Variants in ANKRD27 observed in about 807,000 individuals in gnomAD.
ANKRD27 encodes ankyrin repeat domain-containing protein 27.
Under a neutral mutation model 129.7 loss-of-function variants are expected in ANKRD27, and 112 were observed. That is an observed-to-expected ratio of 0.86 (90% confidence interval 0.74 to 1.01). The LOEUF (loss-of-function observed/expected upper bound fraction) is 1.01, where lower values mean the gene tolerates loss of function less well. Ranked by LOEUF, ANKRD27 falls within the 50% of genes least tolerant of loss-of-function variation. The pLI is 0.00. For synonymous variants in ANKRD27, 516 were observed against 511.2 expected (o/e 1.01, Z -0.13); for missense variants, 1,258 against 1,300.5 (o/e 0.97, Z 0.50).
intron 18 of ANKRD27, among the ~76,000 whole-genome samples, 155 bp downstream of exon 18, chr19:32,622,267 C>T (rs1972021761): frequency 1.3e-5 from 2 of 152,218 alleles, no homozygotes; most frequent in Admixed American, 6.5e-5. Context: ...CAGTAAAACC[C>T]ATTAATGATG....
chr19:32,627,977 A>G (rs778006256), intron 15 of ANKRD27, 106 bp downstream of exon 15: 41 of 1,036,330 alleles, frequency 4.0e-5, no homozygotes, highest in Non-Finnish European at 6.0e-5. Flanking sequence ...TGCAGCCCCA[A>G]CTGCCAACCC....
chr19:32,627,369 T>G, intron 15 of ANKRD27, among the ~76,000 whole-genome samples: 1 of 35,158 alleles, frequency 2.8e-5, no homozygotes, highest in Admixed American at 2.0e-4. Flanking sequence ...TTATTTTATT[T>G]ATTTATTTAT....
intron 1 of ANKRD27, chr19:32,673,530 C>A: frequency 1.2e-6 from 1 of 841,738 alleles, no homozygotes; most frequent in Non-Finnish European, 1.4e-6. Flanking sequence ...GGCCTCTGGC[C>A]ACCTTTGCAG....
chr19:32,655,488 C>T (rs936434733), intron 2 of ANKRD27, among the ~76,000 whole-genome samples: 4 of 152,186 alleles, frequency 2.6e-5, no homozygotes, highest in African/African-American at 7.2e-5. Context: ...CTCCATTCTC[C>T]GGTGTCCCTG....
chr19:32,600,505 C>T (rs945622857), intron 26 of ANKRD27, among the ~76,000 whole-genome samples: 1 of 152,174 alleles, frequency 6.6e-6, no homozygotes, highest in African/African-American at 2.4e-5. Flanking sequence ...TGCACCACCA[C>T]ACTCCAGCCT....
intron 18 of ANKRD27, 31 bp downstream of exon 18, chr19:32,622,391 C>T (rs756996777): frequency 9.9e-6 from 16 of 1,610,892 alleles, no homozygotes; most frequent in Non-Finnish European, 1.4e-5. Flanking sequence ...CTTTCGAAGT[C>T]ATCTTGCCCC....
chr19:32,673,479 C>A, intron 1 of ANKRD27: 1 of 984,690 alleles, frequency 1.0e-6, no homozygotes, highest in Non-Finnish European at 1.2e-6. Flanking sequence ...ACCAGGTGAG[C>A]CCTCAACTTC....
At chr19:32,640,455 TACC>T in intron 10 of ANKRD27, 70 bp from the exon 11 acceptor site, 2 of 1,302,106 alleles carry the variant, frequency 1.5e-6, no homozygotes, top group Non-Finnish European at 2.2e-6. Flanking sequence ...ATCAACTCCC[TACC>T]ACCGCACACC....
At chr19:32,672,679 G>C (rs1568424207) in intron 1 of ANKRD27, 1 of 152,442 alleles carries the variant, frequency 6.6e-6, no homozygotes, top group Non-Finnish European at 1.5e-5. Flanking sequence ...ACTGGAACCA[G>C]GGCGGGACCA....
Position 32,656,059 on chromosome 19 carries a change from A to AAAG in ANKRD27, c.102+2854_102+2855insCTT, listed in dbSNP as rs1555747075. 4.4e-3 allele frequency among the ~76,000 whole-genome samples: 290 copies of AAAG among 65,836 alleles called. 1 individual carries two copies. The highest frequency in any genetic ancestry group is 7.7e-3 in the Non-Finnish European group (227 of 29,616). 43.2% of individuals were successfully genotyped at this position (65,836 alleles called of 152,430 possible). ...AAGAAAGAAAAGAAAGAAAAGAAAG[A>AAAG]AAAGAAAGAAAGAAAGAAAGAAAGA... On this transcript the variant is annotated intron_variant, in intron 2 of 28. Coordinates refer to ENST00000306065, the MANE Select transcript of ANKRD27 (RefSeq NM_032139.3).
In ANKRD27 at chr19:32,648,992, G is replaced by C. The variant is rs1448795084; in HGVS notation, c.213+690C>G. ...TGTTTTTTTTTTTTTTTTGAGACAGGGTCTCACTCTGTTGCCCAGGCTACA... is the reference window on the plus strand; with the variant it reads ...TGTTTTTTTTTTTTTTTTGAGACAGCGTCTCACTCTGTTGCCCAGGCTACA... On this transcript the variant is annotated intron_variant, in intron 3 of 28. Transcript: ENST00000306065. 1.4e-5 allele frequency among the ~76,000 whole-genome samples: 2 copies of C among 147,724 alleles called. 1 individual carries two copies. The highest frequency in any genetic ancestry group is 4.3e-4 in the South Asian group (2 of 4,688).
intron 17 of ANKRD27, among the ~76,000 whole-genome samples, chr19:32,625,293 G>A (rs1360641582): frequency 6.6e-6 from 1 of 151,978 alleles, no homozygotes; most frequent in African/African-American, 2.4e-5. Context: ...AACAGAAAAT[G>A]TAAAAATTGA....
intron 1 of ANKRD27, among the ~76,000 whole-genome samples, chr19:32,674,474 C>G (rs1364955276): frequency 6.6e-6 from 1 of 152,136 alleles, no homozygotes; most frequent in Non-Finnish European, 1.5e-5. Flanking sequence ...CTGGGCAGTC[C>G]ATTTTCAACC....
chr19:32,605,686 A>T lies in ANKRD27; in HGVS notation c.2493+149T>A, dbSNP rs1486977336. ...TTCCCATCGGAGAACCCCGTGTGGG[A>T]AGACGCACGCCCTGCTCCTCTCCCC... On this transcript the variant is annotated intron_variant, in intron 24 of 28. Transcript: ENST00000306065. The T allele has an allele frequency of 3.8e-6, 4 of 1,058,144 alleles. No individual in the cohort carries two copies. In the Admixed American group the frequency reaches 9.4e-5, roughly 25 times the overall value. The allele number at this position is 1,058,144 out of a possible 1,614,324, so 65.5% of individuals were successfully genotyped here. A position where few individuals can be genotyped will look rare whatever the true frequency, so the allele number is the denominator to read the frequency against.
At position 32,669,651 on chromosome 19, in the gene ANKRD27, G is replaced by A. The variant is rs557528663; in HGVS notation, c.-31+5420C>T. ...CCGCAAGATGAGGCAACAAGGACAG[G>A]CTTCCATGGACGAACTAAAAACAGA... On this transcript the variant is annotated intron_variant, in intron 1 of 28. Transcript: ENST00000306065. Among the ~76,000 whole-genome samples, 95 of 152,288 alleles carry A rather than the reference G, an allele frequency of 6.2e-4. 1 individual carries two copies. Among genetic ancestry groups the A allele is most frequent in the Admixed American group, 5.5e-3 (84 of 15,284 alleles).
At chr19:32,613,706 C>CTTTTTTTTTTTTTTTTTTTTTTT (rs58394462) in intron 22 of ANKRD27, among the ~76,000 whole-genome samples, 1 of 132,994 alleles carries the variant, frequency 7.5e-6, no homozygotes, top group African/African-American at 2.8e-5. Context: ...ATTTATGTAA[C>CTTTTTTTTTTTTTTTTTTTTTTT]TTTTTTTTTT....
intron 2 of ANKRD27, among the ~76,000 whole-genome samples, chr19:32,652,482 A>G (rs940788294): frequency 6.6e-6 from 1 of 152,090 alleles, no homozygotes; most frequent in Admixed American, 6.6e-5. Context: ...AATCCCAGTT[A>G]TTCAGGTGGC....
chr19:32,607,145 A>T (rs1227786538), intron 23 of ANKRD27, among the ~76,000 whole-genome samples: 1 of 30,714 alleles, frequency 3.3e-5, no homozygotes, highest in African/African-American at 7.9e-5. Flanking sequence ...GTGATGTCTT[A>T]AAAAAAAAAA....
chr19:32,651,619 C>T (rs1967418561), intron 2 of ANKRD27, among the ~76,000 whole-genome samples: 1 of 152,156 alleles, frequency 6.6e-6, no homozygotes, highest in Admixed American at 6.5e-5. Flanking sequence ...ATCTGCCCAC[C>T]TCAGCCTCTC....
Sources: gnomAD v4.1 joint callset for allele counts (sites outside exome capture counted in the v4.1 genomes callset) on GRCh38, gnomAD v4.1.1 for gene constraint, MANE v1.5 for transcripts, NCBI Gene and HGNC (gene_info 2026-07-23, HGNC 2026-07-21) for gene names.